FHIT: variants seen among roughly 807,000 people sequenced by gnomAD.
The protein encoded by FHIT is bis(5'-adenosyl)-triphosphatase.
In FHIT, 19 loss-of-function variants were observed where a neutral mutation model predicts 17.9. That is an observed-to-expected ratio of 1.06 (90% CI 0.74 to 1.56). The LOEUF (loss-of-function observed/expected upper bound fraction) is 1.56. Ranked by LOEUF, FHIT falls within the 40% of genes most tolerant of loss-of-function variation. The pLI is 0.00. For synonymous variants in FHIT, 81 were observed against 69.7 expected (o/e 1.16, Z -0.81); for missense variants, 248 against 189.2 (o/e 1.31, Z -1.82).
At chr3:60,564,032 A>G (rs1490195219) in intron 4 of FHIT, among the ~76,000 whole-genome samples, 1 of 152,168 alleles carries the variant, frequency 6.6e-6, no homozygotes, top group Non-Finnish European at 1.5e-5. Context: ...GCCTGGCTTC[A>G]AAGCTTCAAT....
intron 4 of FHIT, among the ~76,000 whole-genome samples, chr3:60,545,447 T>A (rs952272512): frequency 2.0e-5 from 3 of 152,208 alleles, no homozygotes; most frequent in African/African-American, 7.2e-5. Flanking sequence ...GAGTCAAACC[T>A]TGGGCTTATA....
At chr3:60,966,007 C>CT (rs1169346525) in intron 3 of FHIT, among the ~76,000 whole-genome samples, 9 of 152,182 alleles carry the variant, frequency 5.9e-5, no homozygotes, top group Non-Finnish European at 1.3e-4. Flanking sequence ...TTTCTGCTGC[C>CT]TTTTTTTCAG....
chr3:59,877,198 C>T (rs947074165), intron 8 of FHIT, among the ~76,000 whole-genome samples: 2 of 152,182 alleles, frequency 1.3e-5, no homozygotes, highest in Non-Finnish European at 2.9e-5. Context: ...TGGAACTATC[C>T]TACCCTTAAA....
chr3:59,886,732 T>A (rs73839568), intron 8 of FHIT, among the ~76,000 whole-genome samples: 5,713 of 152,160 alleles, frequency 0.038, 350 homozygotes, highest in African/African-American at 0.13. Context: ...GAGGCCCCAC[T>A]TCCAATATTG....
intron 5 of FHIT, among the ~76,000 whole-genome samples, chr3:60,183,160 G>A (rs1456073899): frequency 6.6e-6 from 1 of 152,156 alleles, no homozygotes; most frequent in Non-Finnish European, 1.5e-5. Flanking sequence ...CACTTTGGGA[G>A]GCCGAGGCGT....
At chr3:59,887,837 T>C (rs78618767) in intron 8 of FHIT, among the ~76,000 whole-genome samples, 4 of 152,188 alleles carry the variant, frequency 2.6e-5, no homozygotes, top group African/African-American at 7.2e-5. Flanking sequence ...CAACTTCTGA[T>C]TGATCGTCTT....
intron 4 of FHIT, among the ~76,000 whole-genome samples, chr3:60,601,270 G>C (rs1211783634): frequency 6.6e-6 from 1 of 152,150 alleles, no homozygotes; most frequent in Non-Finnish European, 1.5e-5. Flanking sequence ...TACCGCAGTG[G>C]CTTCCTAATG....
At chr3:60,473,986 G>T (rs904439332) in intron 5 of FHIT, among the ~76,000 whole-genome samples, 1 of 152,002 alleles carries the variant, frequency 6.6e-6, no homozygotes, top group Non-Finnish European at 1.5e-5. Context: ...ATGTATGGGG[G>T]AAAGACACAT....
chr3:60,391,007 T>C (rs1337155423), intron 5 of FHIT, among the ~76,000 whole-genome samples: 1 of 152,042 alleles, frequency 6.6e-6, no homozygotes, highest in South Asian at 2.1e-4. Flanking sequence ...TGGTGAAACC[T>C]TGTGTGTATG....
chr3:60,671,177 C>T (rs933636582), intron 4 of FHIT, among the ~76,000 whole-genome samples: 4 of 152,140 alleles, frequency 2.6e-5, no homozygotes, highest in African/African-American at 7.2e-5. Context: ...AGTGGATTAC[C>T]CTCAGAATAC....
At position 60,037,929 on chromosome 3, in the gene FHIT, G is replaced by A. The variant is rs573501194; in HGVS notation, c.104-23777C>T. ...GGGTTTCATTGTATTGCCCAGGCTGGTCTTGAACTCCTGAGCTCAGGCAAT... is the reference window on the plus strand; with the variant it reads ...GGGTTTCATTGTATTGCCCAGGCTGATCTTGAACTCCTGAGCTCAGGCAAT... On this transcript the variant is annotated intron_variant, in intron 5 of 9. Transcript: ENST00000492590. 1.4e-4 allele frequency among the ~76,000 whole-genome samples: 22 copies of A among 152,146 alleles called. No homozygotes were observed. The South Asian group carries it at 2.9e-3, about 20-fold the overall frequency.
chr3:59,957,795 T>C (rs1424071905), intron 7 of FHIT, among the ~76,000 whole-genome samples: 1 of 152,226 alleles, frequency 6.6e-6, no homozygotes, highest in African/African-American at 2.4e-5. Flanking sequence ...ACTTAATTTG[T>C]ACATGTTGGA....
At chr3:59,825,734 A>G (rs1230505203) in intron 8 of FHIT, among the ~76,000 whole-genome samples, 2 of 152,136 alleles carry the variant, frequency 1.3e-5, no homozygotes, top group Non-Finnish European at 2.9e-5. Context: ...TTGGGTGGAG[A>G]AGGGAAAAAA....
Position 61,135,578 on chromosome 3 carries a change from T to G in FHIT, c.-164+65039A>C, listed in dbSNP as rs533569874. Among the ~76,000 whole-genome samples the G allele has an allele frequency of 3.1e-3, 400 of 127,474 alleles. 1 individual carries two copies. Among genetic ancestry groups the G allele is most frequent in the South Asian group, 9.1e-3 (37 of 4,048 alleles). 83.6% of individuals were successfully genotyped at this position (127,474 alleles called of 152,430 possible). On this transcript the variant is annotated intron_variant, in intron 2 of 9. Transcript: ENST00000492590. ...AATAACCCACACTTGCATCCTTGTG[T>G]TCGAACACACACACACACACATACA... is the stretch of plus-strand genomic sequence containing the variant.
chr3:60,905,765 T>C (rs1706376510), intron 3 of FHIT, among the ~76,000 whole-genome samples: 1 of 152,150 alleles, frequency 6.6e-6, no homozygotes, highest in Non-Finnish European at 1.5e-5. Flanking sequence ...AAAGGAAGCG[T>C]ATGTATATTT....
intron 7 of FHIT, among the ~76,000 whole-genome samples, chr3:59,923,023 G>C (rs753109502): frequency 1.3e-5 from 2 of 151,964 alleles, no homozygotes; most frequent in Non-Finnish European, 2.9e-5. Context: ...ACTTTGGGAG[G>C]CCGAGGTGGG....
At chr3:60,098,544 C>A (rs961629579) in intron 5 of FHIT, among the ~76,000 whole-genome samples, 1 of 152,052 alleles carries the variant, frequency 6.6e-6, no homozygotes, top group Admixed American at 6.6e-5. Context: ...ATATCCTTTG[C>A]CCACTTTTTG....
chr3:60,156,142 A>T (rs1237580335), intron 5 of FHIT, among the ~76,000 whole-genome samples: 1 of 150,464 alleles, frequency 6.6e-6, no homozygotes, highest in Non-Finnish European at 1.5e-5. Flanking sequence ...TCATGACGTC[A>T]GGAGTTGGAG....
At chr3:60,734,141 T>C (rs976321639) in intron 4 of FHIT, among the ~76,000 whole-genome samples, 17 of 150,608 alleles carry the variant, frequency 1.1e-4, no homozygotes, top group African/African-American at 3.9e-4. Context: ...CAAGCGCCAT[T>C]GTTTCACTCT....
Sources: allele counts gnomAD v4.1 joint callset (sites outside exome capture counted in the v4.1 genomes callset), GRCh38; gene constraint gnomAD v4.1.1; transcripts MANE v1.5; gene names NCBI Gene and HGNC (gene_info 2026-07-23, HGNC 2026-07-21).